The following PRELID2 variants were observed in gnomAD, a reference collection of about 807,000 sequenced individuals.
The protein encoded by PRELID2 is PRELI domain containing 2, also known as PRELI domain-containing protein 2.
Under a neutral mutation model 28.4 loss-of-function variants are expected in PRELID2, and 25 were observed. The observed-to-expected ratio is 0.88, with a 90% CI of 0.64 to 1.23. PRELID2 has a LOEUF of 1.23. Among genes scored for constraint, PRELID2 ranks in the 50% most tolerant of loss-of-function variants. The pLI, the probability that PRELID2 is intolerant of heterozygous loss-of-function variation, is 0.00. For synonymous variants in PRELID2, 76 were observed against 71.6 expected, an observed-to-expected ratio of 1.06 and a Z score of -0.31; for missense variants, 201 against 214.4, an observed-to-expected ratio of 0.94 and a Z score of 0.39.
At chr5:145,546,855 A>C (rs1201117835) in intron 1 of PRELID2, among the ~76,000 whole-genome samples, 1 of 152,192 alleles carries the variant, frequency 6.6e-6, no homozygotes, top group Non-Finnish European at 1.5e-5. Context: ...AGTAACACAG[A>C]GGAAAGAGAA....
intron 1 of PRELID2, among the ~76,000 whole-genome samples, chr5:145,594,731 C>T (rs952680336): frequency 2.0e-5 from 3 of 151,904 alleles, no homozygotes; most frequent in African/African-American, 7.3e-5. Flanking sequence ...AGTGATTGTC[C>T]CTAGGTGGTC....
chr5:145,595,784 C>A (rs139108963), intron 1 of PRELID2, among the ~76,000 whole-genome samples: 23 of 152,180 alleles, frequency 1.5e-4, no homozygotes, highest in African/African-American at 5.3e-4. Context: ...AAGTACCTCC[C>A]CTTCATTTTT....
intron 5 of PRELID2, among the ~76,000 whole-genome samples, chr5:145,792,329 T>G (rs1452746613): frequency 6.6e-6 from 1 of 152,198 alleles, no homozygotes; most frequent in Non-Finnish European, 1.5e-5. Flanking sequence ...ACATTTCCTA[T>G]TTCATTATGT....
the PRELID2 span, among the ~76,000 whole-genome samples, chr5:145,431,419 T>C: frequency 7.2e-5 from 11 of 152,250 alleles, no homozygotes; most frequent in South Asian, 8.3e-4. Context: ...AAACTGGATA[T>C]TTACATAGTT....
At chr5:145,550,380 C>T (rs1246965699) in intron 1 of PRELID2, among the ~76,000 whole-genome samples, 2 of 152,006 alleles carry the variant, frequency 1.3e-5, no homozygotes, top group African/African-American at 4.8e-5. Context: ...TAAATGAAAC[C>T]AAGAATTTAT....
the PRELID2 span, among the ~76,000 whole-genome samples, chr5:145,406,040 G>C: frequency 1.3e-5 from 2 of 151,938 alleles, no homozygotes; most frequent in Non-Finnish European, 2.9e-5. Context: ...GATCTTACAA[G>C]AACTCCCTCG....
intron 3 of PRELID2, among the ~76,000 whole-genome samples, chr5:145,818,781 T>A (rs1374335319): frequency 6.6e-6 from 1 of 152,228 alleles, no homozygotes; most frequent in Non-Finnish European, 1.5e-5. Flanking sequence ...TGACGGAAGC[T>A]GCCATTTGTT....
the PRELID2 span, among the ~76,000 whole-genome samples, chr5:145,389,384 C>A: frequency 6.6e-6 from 1 of 152,174 alleles, no homozygotes; most frequent in Non-Finnish European, 1.5e-5. Context: ...TCACCTGACA[C>A]AGAGGCAGTA....
chr5:145,651,386 G>C (rs189606568), intron 1 of PRELID2, among the ~76,000 whole-genome samples: 5 of 152,164 alleles, frequency 3.3e-5, no homozygotes, highest in Admixed American at 1.3e-4. Flanking sequence ...CAATGTCCTC[G>C]TCTGACAGCA....
At chr5:145,457,856 A>C in the PRELID2 span, among the ~76,000 whole-genome samples, 308 of 152,322 alleles carry the variant, frequency 2.0e-3, no homozygotes, top group African/African-American at 5.9e-3. Flanking sequence ...AGTAGAAACC[A>C]GGGGTCTTTA....
At chr5:145,510,297 C>T (rs569809318) in intron 1 of PRELID2, among the ~76,000 whole-genome samples, 5 of 152,258 alleles carry the variant, frequency 3.3e-5, no homozygotes, top group African/African-American at 9.6e-5. Flanking sequence ...ACACTTTTTC[C>T]CAGACTCTTT....
intron 1 of PRELID2, among the ~76,000 whole-genome samples, chr5:145,515,062 C>G (rs745713497): frequency 3.9e-5 from 6 of 152,036 alleles, no homozygotes; most frequent in Non-Finnish European, 8.8e-5. Flanking sequence ...CGGGAAAGAC[C>G]TAAAGTCAAC....
In PRELID2 at chr5:145,772,266, C is replaced by T. The variant is rs533836152; in HGVS notation, c.475-7266G>A. On this transcript the variant is annotated intron_variant, in intron 5 of 6. Coordinates refer to ENST00000683046, the MANE Select transcript of PRELID2 (RefSeq NM_205846.3). ...TGTTCAAAATCACACAGTAACTAAA[C>T]CTCAATTTGACAGGAGGCAATCAGG... 1.0e-3 allele frequency among the ~76,000 whole-genome samples: 154 copies of T among 151,806 alleles called. 1 individual carries two copies. Among genetic ancestry groups the T allele is most frequent in the Non-Finnish European group, 1.3e-3 (85 of 67,954 alleles).
At chr5:145,621,495 C>T (rs1367965653) in intron 1 of PRELID2, among the ~76,000 whole-genome samples, 3 of 152,126 alleles carry the variant, frequency 2.0e-5, no homozygotes, top group South Asian at 4.2e-4. Flanking sequence ...GTAGACACAA[C>T]CCCAAATCCC....
At chr5:145,510,206 C>T (rs560031844) in intron 1 of PRELID2, among the ~76,000 whole-genome samples, 10 of 152,192 alleles carry the variant, frequency 6.6e-5, no homozygotes, top group Admixed American at 2.6e-4. Context: ...GCTGTTGACA[C>T]GTGTTCACCT....
intron 1 of PRELID2, among the ~76,000 whole-genome samples, chr5:145,824,377 A>G (rs956540841): frequency 8.6e-5 from 13 of 151,680 alleles, no homozygotes; most frequent in African/African-American, 3.1e-4. Flanking sequence ...TCCGAACCCT[A>G]GGAAGTGAAA....
intron 1 of PRELID2, among the ~76,000 whole-genome samples, chr5:145,614,847 TA>T (rs2149647552): frequency 6.6e-6 from 1 of 152,310 alleles, no homozygotes; most frequent in Non-Finnish European, 1.5e-5. Flanking sequence ...TTGCTCTGGC[TA>T]GGACTTCCAA....
At chr5:145,777,982 A>C (rs1758521857) in intron 5 of PRELID2, among the ~76,000 whole-genome samples, 2 of 152,202 alleles carry the variant, frequency 1.3e-5, no homozygotes, top group South Asian at 4.1e-4. Context: ...CCTGGACGGA[A>C]GGGAGCAGGT....
the PRELID2 span, among the ~76,000 whole-genome samples, chr5:145,444,923 A>G: frequency 3.3e-5 from 5 of 152,066 alleles, no homozygotes; most frequent in Admixed American, 3.3e-4. Flanking sequence ...AATAATATAA[A>G]AGAATTAATA....
Sources: gnomAD v4.1 joint callset for allele counts (sites outside exome capture counted in the v4.1 genomes callset) on GRCh38, gnomAD v4.1.1 for gene constraint, MANE v1.5 for transcripts, NCBI Gene and HGNC (gene_info 2026-07-23, HGNC 2026-07-21) for gene names.